PHACTR4: variants seen among roughly 807,000 people sequenced by gnomAD.
PHACTR4 encodes the protein phosphatase and actin regulator 4, also known as protein phosphatase 1, regulatory subunit 124.
A neutral mutation model predicts 72.7 loss-of-function variants in PHACTR4; 51 were observed. The observed-to-expected ratio is 0.70, with a 90% CI of 0.56 to 0.89. The LOEUF (loss-of-function observed/expected upper bound fraction) is 0.89, where lower values mean the gene tolerates loss of function less well. Among genes scored for constraint, PHACTR4 ranks in the 40% least tolerant of loss-of-function variants. PHACTR4 has a pLI of 0.00. For missense variants in PHACTR4, 731 were observed against 861.8 expected, an observed-to-expected ratio of 0.85 and a Z score of 1.90; for synonymous variants, 255 against 302.5, an observed-to-expected ratio of 0.84 and a Z score of 1.63.
intron 2 of PHACTR4, chr1:28,453,819 C>T: frequency 1.1e-6 from 1 of 883,028 alleles, no homozygotes; most frequent in South Asian, 1.3e-5. Context: ...ATGATGCTGA[C>T]AGAGCACAAA....
At chr1:28,471,820 A>T (rs963800895) in intron 6 of PHACTR4, among the ~76,000 whole-genome samples, 2 of 152,126 alleles carry the variant, frequency 1.3e-5, no homozygotes, top group Non-Finnish European at 2.9e-5. Flanking sequence ...GATGGAGACA[A>T]GGTTGCCCTG....
intron 10 of PHACTR4, among the ~76,000 whole-genome samples, chr1:28,489,446 C>T (rs1439111263): frequency 6.6e-6 from 1 of 152,120 alleles, no homozygotes; most frequent in Non-Finnish European, 1.5e-5. Context: ...CTCTAGAAAG[C>T]TTTGTTTCAG....
intron 1 of PHACTR4, among the ~76,000 whole-genome samples, chr1:28,406,940 C>G (rs910704070): frequency 3.9e-5 from 6 of 152,064 alleles, no homozygotes; most frequent in Non-Finnish European, 7.4e-5. Flanking sequence ...GTTCCTCATG[C>G]CCTTTCTCAG....
chr1:28,442,412 C>T (rs1041595861), intron 2 of PHACTR4, among the ~76,000 whole-genome samples: 6 of 150,048 alleles, frequency 4.0e-5, no homozygotes, highest in East Asian at 3.9e-4. Flanking sequence ...TGCAGTGAGC[C>T]GAGATCGTGC....
At chr1:28,401,425 G>T (rs1441816394) in intron 1 of PHACTR4, among the ~76,000 whole-genome samples, 2 of 150,492 alleles carry the variant, frequency 1.3e-5, no homozygotes, top group Non-Finnish European at 2.9e-5. Context: ...TCCTGCCTCA[G>T]CCTCCCACGT....
chr1:28,453,642 C>T (rs917454800), intron 2 of PHACTR4: 9 of 1,264,998 alleles, frequency 7.1e-6, no homozygotes, highest in Admixed American at 1.8e-5. Context: ...AAGAGAGACT[C>T]GGTTCTAACA....
At chr1:28,488,501 A>G (rs749437610) in intron 9 of PHACTR4, among the ~76,000 whole-genome samples, 1 of 152,206 alleles carries the variant, frequency 6.6e-6, no homozygotes, top group Non-Finnish European at 1.5e-5. Flanking sequence ...CATCTCAAAA[A>G]TAACCTAGCT....
Position 28,491,775 on chromosome 1 carries a change from C to G in PHACTR4, c.2004C>G (p.Thr668=). 1.2e-6 allele frequency: 2 copies of G among 1,613,696 alleles called. No homozygotes were observed. Among genetic ancestry groups the G allele is most frequent in the African/African-American group, 1.3e-5 (1 of 74,986 alleles). ...RRADKPWTKL[T]PADKAAIRKE... is the part of the protein sequence containing the mutation. ...CCGACAAACCTTGGACCAAACTGAC[C>G]CCTGCTGACAAGGTACCTGGAAAGC... Residue 668 remains threonine, a synonymous_variant, in exon 12 of 14, where the codon ACC becomes ACG. Coordinates refer to ENST00000373839, the MANE Select transcript of PHACTR4 (RefSeq NM_001048183.3).
At chr1:28,482,946 A>G (rs549047959) in intron 9 of PHACTR4, among the ~76,000 whole-genome samples, 2 of 151,930 alleles carry the variant, frequency 1.3e-5, no homozygotes, top group East Asian at 3.9e-4. Flanking sequence ...CTCAAAAAAA[A>G]AAAAAAAGAG....
chr1:28,379,271 C>CT (rs59368965), intron 1 of PHACTR4, among the ~76,000 whole-genome samples: 55,101 of 143,318 alleles, frequency 0.38, 11,887 homozygotes, highest in African/African-American at 0.6. Context: ...TTCTTTCTTT[C>CT]TTTTTTTTTT....
intron 9 of PHACTR4, among the ~76,000 whole-genome samples, chr1:28,482,140 G>T (rs912102843): frequency 3.3e-5 from 5 of 151,936 alleles, no homozygotes; most frequent in African/African-American, 1.2e-4. Flanking sequence ...CAGGTGATCT[G>T]CCCGCCTTCG....
chr1:28,413,518 T>A (rs1181135300), intron 2 of PHACTR4, among the ~76,000 whole-genome samples: 1 of 152,242 alleles, frequency 6.6e-6, no homozygotes, highest in Non-Finnish European at 1.5e-5. Flanking sequence ...TTGAACCTCC[T>A]GGAATAATTA....
intron 2 of PHACTR4, among the ~76,000 whole-genome samples, chr1:28,455,417 AAACTCCTGATCTC>A (rs1337845230): frequency 6.6e-6 from 1 of 151,428 alleles, no homozygotes; most frequent in African/African-American, 2.4e-5. Context: ...GGCTGGTCTC[AAACTCCTGATCTC>A]AGGTGGTCTG....
chr1:28,487,309 T>G (rs1660716265), intron 9 of PHACTR4, among the ~76,000 whole-genome samples: 1 of 151,470 alleles, frequency 6.6e-6, no homozygotes, highest in Non-Finnish European at 1.5e-5. Context: ...GAGGTTGCAG[T>G]GAGCCGAGAT....
At chr1:28,449,972 A>G (rs1657821089) in intron 2 of PHACTR4, among the ~76,000 whole-genome samples, 3 of 152,140 alleles carry the variant, frequency 2.0e-5, no homozygotes, top group Admixed American at 2.0e-4. Flanking sequence ...ACTCTGCATA[A>G]TTAATGATGT....
intron 1 of PHACTR4, among the ~76,000 whole-genome samples, chr1:28,376,845 G>A (rs1414193713): frequency 1.3e-5 from 2 of 149,150 alleles, no homozygotes; most frequent in Non-Finnish European, 3.0e-5. Context: ...CACTATGTTA[G>A]CCAGGATGGT....
intron 10 of PHACTR4, among the ~76,000 whole-genome samples, 190 bp downstream of exon 10, chr1:28,489,415 A>T (rs1660900036): frequency 6.6e-6 from 1 of 152,182 alleles, no homozygotes; most frequent in Non-Finnish European, 1.5e-5. Context: ...CTATTATGGT[A>T]TTGTTTAGTG....
At chr1:28,417,668 A>G (rs1655189595) in intron 2 of PHACTR4, among the ~76,000 whole-genome samples, 1 of 152,202 alleles carries the variant, frequency 6.6e-6, no homozygotes, top group African/African-American at 2.4e-5. Context: ...TTTCCATATT[A>G]TATCTTTGGA....
chr1:28,457,735 A>T (rs969352717), intron 2 of PHACTR4: 28 of 684,944 alleles, frequency 4.1e-5, no homozygotes, highest in Non-Finnish European at 4.9e-5. Context: ...ATGTTAGCTT[A>T]TCATATGCTG....
Sources: allele counts gnomAD v4.1 joint callset (sites outside exome capture counted in the v4.1 genomes callset), GRCh38; gene constraint gnomAD v4.1.1; transcripts MANE v1.5; gene names NCBI Gene and HGNC (gene_info 2026-07-23, HGNC 2026-07-21).